Variants in INSYN2B observed in about 807,000 individuals in gnomAD.
INSYN2B encodes the protein inhibitory synaptic factor family member 2B, also known as protein INSYN2B.
A neutral mutation model predicts 41.2 loss-of-function variants in INSYN2B; 16 were observed. That is an observed-to-expected ratio of 0.39 (90% CI 0.26 to 0.59). INSYN2B has a LOEUF of 0.59. INSYN2B is among the 20% of genes least tolerant of loss of function. The pLI is 0.57. For missense variants in INSYN2B, 608 were observed against 646.4 expected, an observed-to-expected ratio of 0.94 and a Z score of 0.64; for synonymous variants, 245 against 244.4, an observed-to-expected ratio of 1.00 and a Z score of -0.02.
At chr5:169,929,150 A>T (rs2113675804) in intron 1 of INSYN2B, among the ~76,000 whole-genome samples, 1 of 152,352 alleles carries the variant, frequency 6.6e-6, no homozygotes, top group East Asian at 1.9e-4. Context: ...CCACGCACAT[A>T]GCACTTAGGC....
intron 3 of INSYN2B, among the ~76,000 whole-genome samples, chr5:169,865,393 T>A (rs1771483697): frequency 6.6e-6 from 1 of 152,164 alleles, no homozygotes; most frequent in South Asian, 2.1e-4. Context: ...TCTGCATGTC[T>A]GGAAGTCAGG....
At chr5:169,966,688 G>C (rs1777312813) in intron 1 of INSYN2B, among the ~76,000 whole-genome samples, 1 of 152,140 alleles carries the variant, frequency 6.6e-6, no homozygotes, top group Non-Finnish European at 1.5e-5. Flanking sequence ...CAAGTGGCAG[G>C]ACAGAGCTGA....
At chr5:169,898,213 C>A (rs556414342) in intron 1 of INSYN2B, among the ~76,000 whole-genome samples, 1 of 152,258 alleles carries the variant, frequency 6.6e-6, no homozygotes, top group African/African-American at 2.4e-5. Context: ...GCTCCCACAG[C>A]TCTACCCCAG....
intron 1 of INSYN2B, among the ~76,000 whole-genome samples, chr5:169,941,387 A>G (rs1281023746): frequency 2.0e-5 from 3 of 151,984 alleles, no homozygotes; most frequent in Non-Finnish European, 4.4e-5. Flanking sequence ...TTGTATTTTT[A>G]GTAGAGACTG....
chr5:169,917,516 C>G (rs967610067), intron 1 of INSYN2B, among the ~76,000 whole-genome samples: 4 of 152,152 alleles, frequency 2.6e-5, no homozygotes. Context: ...ATAGCTGAGG[C>G]TCTGTGGAAG....
intron 1 of INSYN2B, among the ~76,000 whole-genome samples, chr5:169,952,282 A>T (rs1776693771): frequency 6.6e-6 from 1 of 152,184 alleles, no homozygotes; most frequent in East Asian, 1.9e-4. Flanking sequence ...ATAACAATTT[A>T]TTGAGAACTT....
In INSYN2B at chr5:169,882,752, G is replaced by A. The variant is rs1261088240; in HGVS notation, c.1147C>T (p.Leu383Phe). The change falls in exon 2 of 4, where the codon CTT becomes TTT. Residue 383 changes from leucine to phenylalanine, a missense_variant. Transcript: ENST00000377365. Reference protein sequence around the residue: ...CPGSNHLPSSLSRSETKLQSN... With the variant: ...CPGSNHLPSSFSRSETKLQSN... ...TGAAGTTTGGTCTCACTCCTTGAAA[G>A]AGAGGATGGGAGATGATTACTTCCT... 8 of 1,551,812 alleles carry A rather than the reference G, an allele frequency of 5.2e-6. No individual in the cohort carries two copies. The East Asian group carries it at 1.7e-4, about 33-fold the overall frequency.
Position 169,977,859 on chromosome 5 carries a change from C to G in INSYN2B, c.-919+2418G>C, listed in dbSNP as rs538339292. On this transcript the variant is annotated intron_variant, in intron 1 of 3. Transcript: ENST00000377365. ...GTCCCTGTTTTTCCTGACACCAAAGCCTCCCACTTCCAGTCCTAGACCCAC... is the reference window on the plus strand; with the variant it reads ...GTCCCTGTTTTTCCTGACACCAAAGGCTCCCACTTCCAGTCCTAGACCCAC... Among the ~76,000 whole-genome samples, 6 of 152,268 alleles carry G rather than the reference C, an allele frequency of 3.9e-5. No individual in the cohort carries two copies. The South Asian group carries it at 1.2e-3, about 32-fold the overall frequency.
At position 169,862,362 on chromosome 5, in the gene INSYN2B, G is replaced by A. The variant is rs886848191; in HGVS notation, c.*1911C>T. ...GAATATAAATTCACATGAAATTAGC[G>A]TAAGCAAAGCAAATTAAGATGGAAG... On this transcript the variant is annotated 3_prime_UTR_variant, in exon 4 of 4. Coordinates refer to ENST00000377365, the MANE Select transcript of INSYN2B (RefSeq NM_001129891.3). Among the ~76,000 whole-genome samples, 5 of 152,132 alleles carry A rather than the reference G, an allele frequency of 3.3e-5. No homozygotes were observed. The highest frequency in any genetic ancestry group is 7.2e-5 in the African/African-American group (3 of 41,438).
At position 169,882,949 on chromosome 5, in the gene INSYN2B, T is replaced by A; in HGVS notation, c.950A>T (p.His317Leu). The change falls in exon 2 of 4, where the codon CAC (histidine) becomes CTC (leucine). Residue 317 changes from histidine (H) to leucine (L), a missense_variant. Transcript: ENST00000377365. Reference sequence around the variant, plus strand: ...TCTTCCTGGGTGGGCTGGCTGGCTGTGGGAGCCTTGTGAGGGGGAACTGTG... The same window carrying A: ...TCTTCCTGGGTGGGCTGGCTGGCTGAGGGAGCCTTGTGAGGGGGAACTGTG... ...RTHSSPSQGS[H>L]SQPAHPGRAS... 1 of 1,551,814 alleles carries A rather than the reference T, an allele frequency of 6.4e-7. No individual in the cohort carries two copies. The highest frequency in any genetic ancestry group is 8.7e-7 in the Non-Finnish European group (1 of 1,146,944).
intron 1 of INSYN2B, among the ~76,000 whole-genome samples, chr5:169,957,573 T>C (rs1260700860): frequency 2.0e-5 from 3 of 152,204 alleles, no homozygotes; most frequent in Non-Finnish European, 4.4e-5. Flanking sequence ...CTCCTTGGTC[T>C]GCCTCTTTCT....
rs1325859201 is a variant in INSYN2B, at chr5:169,884,287, A to G, written c.-389T>C. The stretch of plus-strand genomic sequence containing the variant: ...TGAACAAAAAGACAACAAAAGTACC[A>G]TTTAGGGGGTAGTGCCAGACTCCCA... On this transcript the variant is annotated 5_prime_UTR_variant, in exon 2 of 4. The change abolishes an upstream ATG in the 5' untranslated region. Transcript: ENST00000377365. 2 of 163,422 alleles carry G rather than the reference A, an allele frequency of 1.2e-5. No individual in the cohort carries two copies. Among genetic ancestry groups the G allele is most frequent in the East Asian group, 3.6e-4 (2 of 5,630 alleles). 10.1% of individuals were successfully genotyped at this position (163,422 alleles called of 1,614,324 possible).
At chr5:169,880,925 A>G (rs569943206) in intron 3 of INSYN2B, among the ~76,000 whole-genome samples, 4 of 152,358 alleles carry the variant, frequency 2.6e-5, no homozygotes, top group East Asian at 3.9e-4. Context: ...GTGCCAAGTA[A>G]GGGCTTGGCA....
intron 1 of INSYN2B, among the ~76,000 whole-genome samples, chr5:169,914,886 A>G (rs373516281): frequency 6.6e-6 from 1 of 152,364 alleles, no homozygotes; most frequent in Admixed American, 6.5e-5. Context: ...ACAGACTGAC[A>G]TAACTGTTGT....
At chr5:169,899,341 A>G (rs1773790857) in intron 1 of INSYN2B, among the ~76,000 whole-genome samples, 3 of 152,174 alleles carry the variant, frequency 2.0e-5, no homozygotes, top group African/African-American at 7.2e-5. Context: ...CACTCTCTGT[A>G]AAGTGCAGCC....
Position 169,884,012 on chromosome 5 carries a change from G to A in INSYN2B, c.-114C>T. The A allele has an allele frequency of 9.6e-7, 1 of 1,037,274 alleles. No homozygotes were observed. Among genetic ancestry groups the A allele is most frequent in the Non-Finnish European group, 1.3e-6 (1 of 759,678 alleles). The allele number at this position is 1,037,274 out of a possible 1,614,324, so 64.3% of individuals were successfully genotyped here. On this transcript the variant is annotated 5_prime_UTR_variant, in exon 2 of 4. Coordinates refer to ENST00000377365, the MANE Select transcript of INSYN2B (RefSeq NM_001129891.3). ...TCAATCATAGAGAACTGCTGGCCAG[G>A]ATGGAGTGGTCCTCTCCTCTTAGTA...
At chr5:169,911,810 C>T (rs950468640) in intron 1 of INSYN2B, among the ~76,000 whole-genome samples, 1 of 152,150 alleles carries the variant, frequency 6.6e-6, no homozygotes, top group South Asian at 2.1e-4. Flanking sequence ...GCAAGTTCCA[C>T]GGAAAGCCTA....
intron 1 of INSYN2B, among the ~76,000 whole-genome samples, chr5:169,964,795 G>A (rs1777234751): frequency 6.6e-6 from 1 of 152,216 alleles, no homozygotes; most frequent in Non-Finnish European, 1.5e-5. Flanking sequence ...TTTGTAAAAG[G>A]TGTATAATAA....
At chr5:169,916,511 C>T (rs1774883108) in intron 1 of INSYN2B, among the ~76,000 whole-genome samples, 12 of 152,182 alleles carry the variant, frequency 7.9e-5, no homozygotes, top group Admixed American at 7.9e-4. Flanking sequence ...AACCATGGCT[C>T]TGCCACTGAC....
Sources: allele counts gnomAD v4.1 joint callset (sites outside exome capture counted in the v4.1 genomes callset), GRCh38; gene constraint gnomAD v4.1.1; transcripts MANE v1.5; gene names NCBI Gene and HGNC (gene_info 2026-07-23, HGNC 2026-07-21).